ERAP1: variants seen among roughly 807,000 people sequenced by gnomAD.
ERAP1 encodes adipocyte-derived leucine aminopeptidase.
Under a neutral mutation model 103.7 loss-of-function variants are expected in ERAP1, and 86 were observed. That is an observed-to-expected ratio of 0.83 (90% confidence interval 0.70 to 0.99). The LOEUF (loss-of-function observed/expected upper bound fraction) is 0.99. Ranked by LOEUF, ERAP1 falls within the 50% of genes least tolerant of loss-of-function variation. The pLI is 0.00. For missense variants in ERAP1, 1,009 were observed against 1,128.4 expected (o/e 0.89, Z 1.52); for synonymous variants, 398 against 402.4 (o/e 0.99, Z 0.13).
chr5:96,815,201 G>GT, the ERAP1 span, among the ~76,000 whole-genome samples: 3 of 152,092 alleles, frequency 2.0e-5, no homozygotes, highest in Non-Finnish European at 4.4e-5. Flanking sequence ...TGTTAGATTT[G>GT]TTTTTTCCCT....
At chr5:96,777,110 T>C (rs113521432) in intron 18 of ERAP1, among the ~76,000 whole-genome samples, 24 of 152,252 alleles carry the variant, frequency 1.6e-4, no homozygotes, top group South Asian at 6.2e-4. Context: ...CAAGATAAAA[T>C]CCACATAAAG....
chr5:96,768,057 C>A, intron 19 of ERAP1: 1 of 1,085,344 alleles, frequency 9.2e-7, no homozygotes, highest in Non-Finnish European at 1.4e-6. Flanking sequence ...TGTGTACATA[C>A]ATATAAGTTT....
At chr5:96,876,958 A>T in the ERAP1 span, among the ~76,000 whole-genome samples, 1 of 151,938 alleles carries the variant, frequency 6.6e-6, no homozygotes, top group Non-Finnish European at 1.5e-5. Flanking sequence ...CTGTTTATTT[A>T]ATTTAATTTA....
chr5:96,889,141 A>G, the ERAP1 span: 2 of 1,609,792 alleles, frequency 1.2e-6, no homozygotes, highest in Non-Finnish European at 1.7e-6. Flanking sequence ...GAATTATGCC[A>G]GGGAGCTGTC....
At chr5:96,914,148 T>TCACACACA in the ERAP1 span, among the ~76,000 whole-genome samples, 3 of 147,982 alleles carry the variant, frequency 2.0e-5, no homozygotes, top group African/African-American at 7.5e-5. Context: ...TCTCTCTCTC[T>TCACACACA]CACACACACA....
At chr5:96,801,120 A>G (rs974000145) in intron 2 of ERAP1, 120 bp from the exon 3 acceptor site, 19 of 1,124,532 alleles carry the variant, frequency 1.7e-5, no homozygotes, top group Non-Finnish European at 2.4e-5. Context: ...ACTAAAAAAT[A>G]TTTCATCTGA....
intron 1 of ERAP1, among the ~76,000 whole-genome samples, chr5:96,806,564 T>C (rs1048093718): frequency 6.6e-6 from 1 of 152,084 alleles, no homozygotes; most frequent in Non-Finnish European, 1.5e-5. Flanking sequence ...CTTGTTGGAA[T>C]GCAATCCACA....
At chr5:96,890,404 G>A in the ERAP1 span, among the ~76,000 whole-genome samples, 5 of 152,156 alleles carry the variant, frequency 3.3e-5, no homozygotes, top group Non-Finnish European at 7.3e-5. Flanking sequence ...GCGGAGCTCA[G>A]GCAGTCATGC....
At chr5:96,928,191 CT>C in the ERAP1 span, among the ~76,000 whole-genome samples, 2 of 152,176 alleles carry the variant, frequency 1.3e-5, no homozygotes, top group African/African-American at 4.8e-5. Flanking sequence ...GCCTGGCTAT[CT>C]TTTCATTTCT....
intron 13 of ERAP1, chr5:96,785,273 T>G (rs1444969241): frequency 1.1e-5 from 2 of 175,580 alleles, no homozygotes; most frequent in African/African-American, 4.8e-5. Context: ...TTTTATGAGC[T>G]ATATTCCATA....
At chr5:96,762,022 T>G (rs1768135807) in exon 20 of ERAP1, 2 of 300,212 alleles carry the variant, frequency 6.7e-6, no homozygotes, top group Non-Finnish European at 1.2e-5. Flanking sequence ...ACCGTGGAAC[T>G]CTAAGTTATA....
At chr5:96,930,028 C>T in the ERAP1 span, among the ~76,000 whole-genome samples, 7 of 152,090 alleles carry the variant, frequency 4.6e-5, no homozygotes, top group African/African-American at 1.7e-4. Flanking sequence ...GCCAAGGGGA[C>T]CCCAGGGTAA....
chr5:96,914,665 C>T, the ERAP1 span, among the ~76,000 whole-genome samples: 2 of 152,170 alleles, frequency 1.3e-5, no homozygotes, highest in Non-Finnish European at 2.9e-5. Context: ...CTGTGCTCTG[C>T]TTTATCAACA....
In ERAP1 at chr5:96,774,645, G is replaced by T. The variant is rs1773698602; in HGVS notation, c.*1751C>A. ...ATATTTCCATGTTTCATTAATCAAGGCATAAAATACAATTAAAGCAAAATA... is the reference window on the plus strand; with the variant it reads ...ATATTTCCATGTTTCATTAATCAAGTCATAAAATACAATTAAAGCAAAATA... On this transcript the variant is annotated 3_prime_UTR_variant, in exon 19 of 19. Coordinates refer to ENST00000443439, the MANE Select transcript of ERAP1 (RefSeq NM_001040458.3). 4 of 984,654 alleles carry T rather than the reference G, an allele frequency of 4.1e-6. No homozygotes were observed. The highest frequency in any genetic ancestry group is 2.4e-6 in the Non-Finnish European group (2 of 829,226). The allele number at this position is 984,654 out of a possible 1,614,324, so 61.0% of individuals were successfully genotyped here.
the ERAP1 span, among the ~76,000 whole-genome samples, chr5:96,933,758 TG>T: frequency 6.6e-6 from 1 of 152,224 alleles, no homozygotes; most frequent in Admixed American, 6.5e-5. Flanking sequence ...GAACATGACA[TG>T]ACCTAAAATA....
chr5:96,912,198 AAAAAAAG>A, the ERAP1 span, among the ~76,000 whole-genome samples: 17 of 150,138 alleles, frequency 1.1e-4, no homozygotes, highest in Non-Finnish European at 3.0e-5. Flanking sequence ...CAAAAAAAAA[AAAAAAAG>A]AAAAGAAAAG....
intron 19 of ERAP1, chr5:96,767,766 A>G (rs1299640476): frequency 6.3e-6 from 4 of 634,240 alleles, no homozygotes; most frequent in Non-Finnish European, 8.4e-6. Context: ...CTCCTTTACA[A>G]TACATTATTA....
chr5:96,836,176 G>GTTTTTTTTTTTTTTTTTTTTTTTTGTTT, the ERAP1 span, among the ~76,000 whole-genome samples: 12 of 106,648 alleles, frequency 1.1e-4, no homozygotes, highest in Admixed American at 3.2e-4. Flanking sequence ...CACCTCTTTG[G>GTTTTTTTTTTTTTTTTTTTTTTTTGTTT]TTTTTTTTTT....
chr5:96,891,186 T>C, the ERAP1 span, among the ~76,000 whole-genome samples: 1 of 152,126 alleles, frequency 6.6e-6, no homozygotes, highest in East Asian at 1.9e-4. Context: ...AGTGACTTGG[T>C]TCATTTCAAA....
Sources: gnomAD v4.1 joint callset for allele counts (sites outside exome capture counted in the v4.1 genomes callset) on GRCh38, gnomAD v4.1.1 for gene constraint, MANE v1.5 for transcripts, NCBI Gene and HGNC (gene_info 2026-07-23, HGNC 2026-07-21) for gene names.